KCTD8: variants seen among roughly 807,000 people sequenced by gnomAD.
KCTD8 encodes the protein BTB/POZ domain-containing protein KCTD8.
In KCTD8, 27 loss-of-function variants were observed where a neutral mutation model predicts 31.5. That is an observed-to-expected ratio of 0.86 (90% CI 0.63 to 1.18). The LOEUF is 1.18. KCTD8 is among the 50% of genes most tolerant of loss of function. The pLI, the probability that KCTD8 is intolerant of heterozygous loss-of-function variation, is 0.00. For synonymous variants in KCTD8, 290 were observed against 280.0 expected (o/e 1.04, Z -0.36); for missense variants, 658 against 647.7 (o/e 1.02, Z -0.17).
At chr4:44,416,918 T>C (rs980165531) in intron 1 of KCTD8, among the ~76,000 whole-genome samples, 2 of 152,194 alleles carry the variant, frequency 1.3e-5, no homozygotes, top group African/African-American at 4.8e-5. Context: ...ACTGTAACAA[T>C]AGAAAGATAA....
intron 1 of KCTD8, among the ~76,000 whole-genome samples, chr4:44,221,883 A>G (rs1006052927): frequency 6.6e-6 from 1 of 152,030 alleles, no homozygotes; most frequent in Non-Finnish European, 1.5e-5. Context: ...TCACAGACAC[A>G]CCCCGGAACA....
chr4:44,301,731 A>G (rs545027685), intron 1 of KCTD8, among the ~76,000 whole-genome samples: 4,467 of 152,042 alleles, frequency 0.029, 236 homozygotes, highest in African/African-American at 0.1. Context: ...ATTAGATCCC[A>G]TTTGTCAATT....
At chr4:44,357,587 G>A (rs909909542) in intron 1 of KCTD8, among the ~76,000 whole-genome samples, 1 of 152,056 alleles carries the variant, frequency 6.6e-6, no homozygotes. Flanking sequence ...TAACAAAAGG[G>A]AACATAGAAT....
At chr4:44,300,325 C>T (rs1215430792) in intron 1 of KCTD8, among the ~76,000 whole-genome samples, 1 of 151,956 alleles carries the variant, frequency 6.6e-6, no homozygotes, top group Admixed American at 6.6e-5. Flanking sequence ...GATCTAATTA[C>T]AATCATGCTA....
At chr4:44,176,920 T>C (rs1294996896) in intron 1 of KCTD8, among the ~76,000 whole-genome samples, 1 of 141,088 alleles carries the variant, frequency 7.1e-6, no homozygotes, top group East Asian at 2.2e-4. Flanking sequence ...TCTTAAGCAA[T>C]ATTTCAAACT....
intron 1 of KCTD8, among the ~76,000 whole-genome samples, chr4:44,207,483 C>T (rs1714349086): frequency 6.6e-6 from 1 of 152,174 alleles, no homozygotes. Context: ...CTGTCTCCCA[C>T]CTACCTTACA....
rs1266944987 is a variant in KCTD8, at chr4:44,219,737, G to T, written c.962-44487C>A. Reference sequence around the variant, plus strand: ...GTGGTGATTTGTTACAGTAACTCTAGGATACTAATGACTTTATAATTAAAT... The same window carrying T: ...GTGGTGATTTGTTACAGTAACTCTATGATACTAATGACTTTATAATTAAAT... On this transcript the variant is annotated intron_variant, in intron 1 of 1. Coordinates refer to ENST00000360029, the MANE Select transcript of KCTD8 (RefSeq NM_198353.3). Among the ~76,000 whole-genome samples, 6 of 152,212 alleles carry T rather than the reference G, an allele frequency of 3.9e-5. No homozygotes were observed. The East Asian group carries it at 1.2e-3, about 29-fold the overall frequency.
chr4:44,343,971 G>T (rs1167953390), intron 1 of KCTD8, among the ~76,000 whole-genome samples: 1 of 151,746 alleles, frequency 6.6e-6, no homozygotes, highest in Admixed American at 6.6e-5. Flanking sequence ...TGATTCTCCT[G>T]CCTCAGCCTC....
chr4:44,349,070 C>T (rs372902174), intron 1 of KCTD8, among the ~76,000 whole-genome samples: 4 of 96,674 alleles, frequency 4.1e-5, no homozygotes, highest in East Asian at 2.4e-4. Context: ...TCGCTGCCAC[C>T]GCCACCACCA....
intron 1 of KCTD8, among the ~76,000 whole-genome samples, chr4:44,298,461 G>A (rs1399501812): frequency 6.6e-6 from 1 of 151,956 alleles, no homozygotes; most frequent in African/African-American, 2.4e-5. Context: ...ATGAACTGGG[G>A]GAAAAGGAGA....
At position 44,235,518 on chromosome 4, in the gene KCTD8, C is replaced by T. The variant is rs1167960960; in HGVS notation, c.962-60268G>A. Among the ~76,000 whole-genome samples, 4 of 98,812 alleles carry T rather than the reference C, an allele frequency of 4.0e-5. No homozygotes were observed. The South Asian group carries it at 1.5e-3, about 38-fold the overall frequency. 64.8% of individuals were successfully genotyped at this position (98,812 alleles called of 152,430 possible). A position where few individuals can be genotyped will look rare whatever the true frequency, so the allele number is the denominator to read the frequency against. On this transcript the variant is annotated intron_variant, in intron 1 of 1. Coordinates refer to ENST00000360029, the MANE Select transcript of KCTD8 (RefSeq NM_198353.3). ...TTACCCATGTATACAGAAAGAGAGA[C>T]ACTGGATTATATATATATATATATA...
chr4:44,189,954 C>T lies in KCTD8; in HGVS notation c.962-14704G>A, dbSNP rs986125608. Reference sequence around the variant, plus strand: ...TCTACCCCTCTACTGATTCCCTCCCCCAGCAAACAGTTATCTAGTCCTCTT... The same window carrying T: ...TCTACCCCTCTACTGATTCCCTCCCTCAGCAAACAGTTATCTAGTCCTCTT... On this transcript the variant is annotated intron_variant, in intron 1 of 1. Coordinates refer to ENST00000360029, the MANE Select transcript of KCTD8 (RefSeq NM_198353.3). 1.3e-5 allele frequency among the ~76,000 whole-genome samples: 2 copies of T among 152,142 alleles called. 1 individual carries two copies. The highest frequency in any genetic ancestry group is 1.3e-4 in the Admixed American group (2 of 15,270).
intron 1 of KCTD8, among the ~76,000 whole-genome samples, chr4:44,211,753 G>T (rs891029172): frequency 4.0e-5 from 6 of 151,600 alleles, no homozygotes; most frequent in African/African-American, 9.7e-5. Context: ...TTAATTTTTT[G>T]TCTGCTGCAA....
At chr4:44,415,691 G>C (rs1387204075) in intron 1 of KCTD8, among the ~76,000 whole-genome samples, 5 of 152,158 alleles carry the variant, frequency 3.3e-5, no homozygotes, top group Non-Finnish European at 7.3e-5. Flanking sequence ...CCATATCCTT[G>C]GCAGTTTCTA....
At chr4:44,390,431 G>A (rs138666198) in intron 1 of KCTD8, among the ~76,000 whole-genome samples, 35 of 151,974 alleles carry the variant, frequency 2.3e-4, no homozygotes, top group East Asian at 2.1e-3. Context: ...TGTTTGCTTT[G>A]TCGAAGATCA....
At chr4:44,375,288 A>G (rs1332019753) in intron 1 of KCTD8, among the ~76,000 whole-genome samples, 2 of 152,164 alleles carry the variant, frequency 1.3e-5, no homozygotes, top group Non-Finnish European at 2.9e-5. Context: ...TATCTGAGGC[A>G]GGGGATAAAG....
Position 44,448,803 on chromosome 4 carries a change from G to A in KCTD8, c.-280C>T, listed in dbSNP as rs538662431. The A allele has an allele frequency of 4.3e-4, 137 of 317,876 alleles. 1 individual carries two copies. The highest frequency in any genetic ancestry group is 3.1e-4 in the South Asian group (2 of 6,472). The allele number at this position is 317,876 out of a possible 1,614,324, so 19.7% of individuals were successfully genotyped here. A position where few individuals can be genotyped will look rare whatever the true frequency, so the allele number is the denominator to read the frequency against. On this transcript the variant is annotated 5_prime_UTR_variant, in exon 1 of 2. Coordinates refer to ENST00000360029, the MANE Select transcript of KCTD8 (RefSeq NM_198353.3). The surrounding 1 kb of genome is among the most constrained non-coding windows in gnomAD (Gnocchi z 4.1). The stretch of plus-strand genomic sequence containing the variant: ...GCTGCTCCTTTGGGGCGAGGGCGGG[G>A]AAGTGTGAGAGAGACTTGCGAGAGG...
chr4:44,266,263 T>C (rs1321505754), intron 1 of KCTD8, among the ~76,000 whole-genome samples: 5 of 151,738 alleles, frequency 3.3e-5, no homozygotes, highest in Non-Finnish European at 7.4e-5. Context: ...AAAAGAATTT[T>C]CAACCCAGAA....
chr4:44,395,171 A>G (rs1720467000), intron 1 of KCTD8, among the ~76,000 whole-genome samples: 1 of 152,130 alleles, frequency 6.6e-6, no homozygotes, highest in African/African-American at 2.4e-5. Flanking sequence ...AGAAAAGGGC[A>G]TGTTTAGATT....
Sources: allele counts gnomAD v4.1 joint callset (sites outside exome capture counted in the v4.1 genomes callset), GRCh38; gene constraint gnomAD v4.1.1; non-coding constraint Gnocchi (gnomAD v3.1); transcripts MANE v1.5; gene names NCBI Gene and HGNC (gene_info 2026-07-23, HGNC 2026-07-21).